The following SLC1A3 variants were observed in gnomAD, a reference collection of about 807,000 sequenced individuals.
SLC1A3 encodes excitatory amino acid transporter 1.
Under a neutral mutation model 48.1 loss-of-function variants are expected in SLC1A3, and 21 were observed. The observed-to-expected ratio is 0.44, with a 90% CI of 0.31 to 0.63. SLC1A3 has a LOEUF of 0.63. Ranked by LOEUF, SLC1A3 falls within the 20% of genes least tolerant of loss-of-function variation. SLC1A3 has a pLI of 0.08. For synonymous variants in SLC1A3, 239 were observed against 251.4 expected, an observed-to-expected ratio of 0.95 and a Z score of 0.47; for missense variants, 546 against 689.0, an observed-to-expected ratio of 0.79 and a Z score of 2.32.
intron 1 of SLC1A3, among the ~76,000 whole-genome samples, chr5:36,599,527 T>TTTTTTTTTTTGG (rs397997372): frequency 1.4e-5 from 2 of 145,514 alleles, no homozygotes; most frequent in African/African-American, 5.2e-5. Context: ...TTTTTTTTTT[T>TTTTTTTTTTTGG]GAGACGGAGT....
intron 4 of SLC1A3, among the ~76,000 whole-genome samples, chr5:36,671,885 T>A (rs181450641): frequency 6.6e-6 from 1 of 152,332 alleles, no homozygotes; most frequent in East Asian, 1.9e-4. Flanking sequence ...TATGTAGAAC[T>A]GTGAAGTAAG....
chr5:36,616,442 T>TAAGCGCAGCAAATTGAA (rs1293335949), intron 2 of SLC1A3, among the ~76,000 whole-genome samples: 1 of 152,174 alleles, frequency 6.6e-6, no homozygotes, highest in Non-Finnish European at 1.5e-5. Flanking sequence ...CAGGTAAATT[T>TAAGCGCAGCAAATTGAA]AGGCGCAGCA....
chr5:36,683,815 G>T, intron 8 of SLC1A3, 49 bp from the exon 9 acceptor site: 1 of 1,611,880 alleles, frequency 6.2e-7, no homozygotes, highest in South Asian at 1.1e-5. Context: ...TATGCTCTAC[G>T]TGGGGAGCTT....
intron 2 of SLC1A3, among the ~76,000 whole-genome samples, chr5:36,621,733 T>A (rs1299937979): frequency 4.6e-5 from 7 of 152,156 alleles, no homozygotes; most frequent in African/African-American, 1.7e-4. Context: ...TCCTTAAACA[T>A]TTGTAGAGCA....
upstream of SLC1A3, among the ~76,000 whole-genome samples, chr5:36,602,115 A>T (rs1376299024): frequency 6.6e-6 from 1 of 152,130 alleles, no homozygotes; most frequent in Non-Finnish European, 1.5e-5. Flanking sequence ...GTGGGAGGAG[A>T]TTAGAGTTGA....
At chr5:36,604,670 A>G (rs1298586558), upstream of SLC1A3, among the ~76,000 whole-genome samples, 1 of 152,176 alleles carries the variant, frequency 6.6e-6, no homozygotes, top group African/African-American at 2.4e-5. Context: ...ATGGTTTTTA[A>G]CCAAGCTTTA....
At chr5:36,623,397 T>C (rs1739763983) in intron 2 of SLC1A3, among the ~76,000 whole-genome samples, 1 of 152,246 alleles carries the variant, frequency 6.6e-6, no homozygotes, top group Non-Finnish European at 1.5e-5. Context: ...TTTTCATTGC[T>C]ATTTTTGCAG....
At chr5:36,640,038 C>T (rs904846119) in intron 3 of SLC1A3, among the ~76,000 whole-genome samples, 4 of 152,020 alleles carry the variant, frequency 2.6e-5, no homozygotes, top group South Asian at 4.1e-4. Context: ...GAGGTGGGGG[C>T]GGCTGGGGGA....
chr5:36,686,564 C>T lies in SLC1A3; in HGVS notation c.*295C>T, dbSNP rs1221396518. ...TTACAAGTTTATGTGGCACACAATC[C>T]TATAAATGTGATTTTTTTATATAAG... On this transcript the variant is annotated 3_prime_UTR_variant, in exon 10 of 10. Coordinates refer to ENST00000265113, the MANE Select transcript of SLC1A3 (RefSeq NM_004172.5). 2 of 372,346 alleles carry T rather than the reference C, an allele frequency of 5.4e-6. No homozygotes were observed. Among genetic ancestry groups the T allele is most frequent in the Non-Finnish European group, 4.9e-6 (1 of 203,118 alleles). 23.1% of individuals were successfully genotyped at this position (372,346 alleles called of 1,614,324 possible).
At chr5:36,675,664 A>G (rs1742176526) in intron 5 of SLC1A3, among the ~76,000 whole-genome samples, 1 of 152,180 alleles carries the variant, frequency 6.6e-6, no homozygotes, top group African/African-American at 2.4e-5. Flanking sequence ...TAAAATGCAT[A>G]AGGACCCAAC....
intron 1 of SLC1A3, among the ~76,000 whole-genome samples, chr5:36,607,514 A>G (rs1739001126): frequency 6.6e-6 from 1 of 152,254 alleles, no homozygotes; most frequent in South Asian, 2.1e-4. Flanking sequence ...AATTGGTTTC[A>G]TCTCATCTGT....
chr5:36,673,972 A>T, intron 4 of SLC1A3, 77 bp from the exon 5 acceptor site: 1 of 1,137,044 alleles, frequency 8.8e-7, no homozygotes, highest in Non-Finnish European at 1.3e-6. Flanking sequence ...TCTTTACCTT[A>T]CACACAATGA....
chr5:36,609,306 G>C, intron 2 of SLC1A3: 3 of 900,210 alleles, frequency 3.3e-6, no homozygotes, highest in Non-Finnish European at 4.0e-6. Context: ...AAAAGTTATA[G>C]TTTATTACTT....
At chr5:36,607,816 T>C (rs971649380) in intron 1 of SLC1A3, among the ~76,000 whole-genome samples, 5 of 152,246 alleles carry the variant, frequency 3.3e-5, no homozygotes, top group African/African-American at 1.2e-4. Flanking sequence ...ATTTTTTTCT[T>C]AATGAAGAAA....
chr5:36,623,022 A>G (rs1041792107), intron 2 of SLC1A3, among the ~76,000 whole-genome samples: 3 of 151,748 alleles, frequency 2.0e-5, no homozygotes, highest in South Asian at 4.1e-4. Flanking sequence ...CTCAAAAAAA[A>G]AAAAAAAAAA....
intron 5 of SLC1A3, among the ~76,000 whole-genome samples, chr5:36,675,489 G>A (rs781365721): frequency 9.9e-5 from 15 of 152,170 alleles, no homozygotes; most frequent in Non-Finnish European, 2.2e-4. Context: ...TGCATTCACA[G>A]GATTTTGAAG....
At chr5:36,683,352 C>A (rs1481685079) in intron 8 of SLC1A3, among the ~76,000 whole-genome samples, 1 of 152,008 alleles carries the variant, frequency 6.6e-6, no homozygotes, top group African/African-American at 2.4e-5. Context: ...TATCAGAAGA[C>A]ACATAGTAAG....
At chr5:36,619,555 A>C (rs1412328156) in intron 2 of SLC1A3, among the ~76,000 whole-genome samples, 1 of 151,970 alleles carries the variant, frequency 6.6e-6, no homozygotes, top group Admixed American at 6.6e-5. Context: ...CGGGAGGATC[A>C]CTTGAGGCCA....
At chr5:36,612,314 T>G (rs1342596114) in intron 2 of SLC1A3, among the ~76,000 whole-genome samples, 2 of 152,220 alleles carry the variant, frequency 1.3e-5, no homozygotes, top group Non-Finnish European at 2.9e-5. Flanking sequence ...TCTCTAATAC[T>G]CTGGCAATGA....
Sources: allele counts gnomAD v4.1 joint callset (sites outside exome capture counted in the v4.1 genomes callset), GRCh38; gene constraint gnomAD v4.1.1; transcripts MANE v1.5; gene names NCBI Gene and HGNC (gene_info 2026-07-23, HGNC 2026-07-21).